The following CATSPERE variants were observed in gnomAD, a reference collection of about 807,000 sequenced individuals.
CATSPERE encodes catsper channel auxiliary subunit epsilon.
A neutral mutation model predicts 114.1 loss-of-function variants in CATSPERE; 93 were observed. The observed-to-expected ratio is 0.81, with a 90% CI of 0.69 to 0.97. The LOEUF (loss-of-function observed/expected upper bound fraction) is 0.97. CATSPERE is among the 50% of genes least tolerant of loss of function. CATSPERE has a pLI of 0.00. For missense variants in CATSPERE, 1,058 were observed against 1,131.6 expected (o/e 0.93, Z 0.93); for synonymous variants, 341 against 384.1 (o/e 0.89, Z 1.31).
intron 17 of CATSPERE, among the ~76,000 whole-genome samples, chr1:244,597,729 G>A (rs1384929208): frequency 6.6e-6 from 1 of 151,990 alleles, no homozygotes; most frequent in East Asian, 1.9e-4. Context: ...AATGACAATC[G>A]TAAGTTAATA....
intron 6 of CATSPERE, 84 bp downstream of exon 6, chr1:244,490,555 G>C (rs761244256): frequency 1.6e-4 from 142 of 868,104 alleles, no homozygotes; most frequent in Admixed American, 3.4e-4. Flanking sequence ...TACCAGATGA[G>C]GAATTTTTCA....
intron 7 of CATSPERE, among the ~76,000 whole-genome samples, chr1:244,512,109 G>A (rs547335324): frequency 2.0e-5 from 3 of 152,088 alleles, no homozygotes; most frequent in Admixed American, 6.6e-5. Flanking sequence ...AGTTTTCAGC[G>A]ATTATTTTGT....
chr1:244,491,272 G>C (rs1018219660), intron 6 of CATSPERE, among the ~76,000 whole-genome samples: 13 of 152,252 alleles, frequency 8.5e-5, no homozygotes, highest in Middle Eastern at 3.4e-3. Context: ...AATCAAACTA[G>C]AACTCAGGAC....
intron 8 of CATSPERE, among the ~76,000 whole-genome samples, chr1:244,548,302 C>T (rs1051669784): frequency 1.3e-5 from 2 of 152,180 alleles, no homozygotes; most frequent in African/African-American, 2.4e-5. Flanking sequence ...TATTCATGGG[C>T]TCAGCAACAT....
In CATSPERE at chr1:244,593,435, A is replaced by G; in HGVS notation, c.2223+7A>G. 6.2e-7 allele frequency: 1 copy of G among 1,613,604 alleles called. No homozygotes were observed. Among genetic ancestry groups the G allele is most frequent in the Non-Finnish European group, 8.5e-7 (1 of 1,179,948 alleles). On this transcript the variant is annotated splice_region_variant and intron_variant, in intron 16 of 21. Coordinates refer to ENST00000366534, the MANE Select transcript of CATSPERE (RefSeq NM_001130957.2). ...TCAGCCATCGAAAAACTTGGTAAGAAAATGATAAAATTCTGTCAATGGACC... is the reference window on the plus strand; with the variant it reads ...TCAGCCATCGAAAAACTTGGTAAGAGAATGATAAAATTCTGTCAATGGACC...
chr1:244,563,700 T>A (rs1159156244), intron 10 of CATSPERE, among the ~76,000 whole-genome samples: 1 of 152,250 alleles, frequency 6.6e-6, no homozygotes, highest in Non-Finnish European at 1.5e-5. Flanking sequence ...TCTCCCATTC[T>A]GTAGGTTGCC....
chr1:244,479,385 G>A (rs187695336), intron 4 of CATSPERE, among the ~76,000 whole-genome samples: 115 of 152,192 alleles, frequency 7.6e-4, no homozygotes, highest in Admixed American at 2.2e-3. Context: ...GAGCCACTGC[G>A]CCAGGCCACA....
intron 2 of CATSPERE, among the ~76,000 whole-genome samples, chr1:244,472,765 C>T (rs532255533): frequency 6.6e-6 from 1 of 152,292 alleles, no homozygotes; most frequent in African/African-American, 2.4e-5. Flanking sequence ...TAAAAATTCT[C>T]TCTGCTCTGC....
intron 8 of CATSPERE, among the ~76,000 whole-genome samples, chr1:244,544,851 T>C (rs1659467517): frequency 6.6e-6 from 1 of 152,252 alleles, no homozygotes; most frequent in Non-Finnish European, 1.5e-5. Context: ...CCTTGCTACA[T>C]GTTTTGCAGT....
intron 2 of CATSPERE, among the ~76,000 whole-genome samples, chr1:244,469,849 AC>A (rs1404165969): frequency 6.6e-6 from 1 of 152,186 alleles, no homozygotes; most frequent in African/African-American, 2.4e-5. Flanking sequence ...ACACTTTGGT[AC>A]TGACATAGGA....
chr1:244,580,040 A>G (rs1284228085), intron 11 of CATSPERE, among the ~76,000 whole-genome samples: 1 of 151,752 alleles, frequency 6.6e-6, no homozygotes, highest in Non-Finnish European at 1.5e-5. Flanking sequence ...TATCAATTCA[A>G]AGGCACATTT....
intron 8 of CATSPERE, among the ~76,000 whole-genome samples, chr1:244,520,324 TA>T (rs111993483): frequency 0.12 from 18,458 of 152,098 alleles, 1,876 homozygotes; most frequent in African/African-American, 0.28. Context: ...CATTTTGTGG[TA>T]GGGGTCCAAA....
intron 7 of CATSPERE, among the ~76,000 whole-genome samples, chr1:244,506,455 T>G (rs1478280056): frequency 6.6e-6 from 1 of 152,204 alleles, no homozygotes; most frequent in Non-Finnish European, 1.5e-5. Flanking sequence ...TTTTTATTGT[T>G]TTGAGAAACT....
chr1:244,549,069 A>G (rs938272405), intron 8 of CATSPERE, among the ~76,000 whole-genome samples: 1 of 152,216 alleles, frequency 6.6e-6, no homozygotes, highest in East Asian at 1.9e-4. Flanking sequence ...CTGGACTACT[A>G]TTCCACAATG....
At position 244,593,544 on chromosome 1, in the gene CATSPERE, G is replaced by C; in HGVS notation, c.2269G>C (p.Asp757His). Reference protein sequence around the residue: ...WGEYGCPLRLDFTEKFQPVVQ... With the variant: ...WGEYGCPLRLHFTEKFQPVVQ... ...AGAATATGGCTGCCCTCTGAGGCTT[G>C]ACTTCACAGAAAAGTTTCAACCTGT... Residue 757 changes from aspartate to histidine, a missense_variant, in exon 17 of 22, where the codon GAC becomes CAC. This residue lies in a region of CATSPERE where 787 missense variants were observed against 905.6 expected (regional missense o/e 0.87). Transcript: ENST00000366534. 1 of 1,613,968 alleles carries C rather than the reference G, an allele frequency of 6.2e-7. No homozygotes were observed. Among genetic ancestry groups the C allele is most frequent in the Non-Finnish European group, 8.5e-7 (1 of 1,179,944 alleles).
At chr1:244,603,470 A>ACATT (rs1164041679) in intron 17 of CATSPERE, among the ~76,000 whole-genome samples, 1 of 152,200 alleles carries the variant, frequency 6.6e-6, no homozygotes, top group African/African-American at 2.4e-5. Context: ...ACATTAAAGA[A>ACATT]CATTCATGAA....
chr1:244,538,192 T>A (rs1200097300), intron 8 of CATSPERE, among the ~76,000 whole-genome samples: 4 of 152,156 alleles, frequency 2.6e-5, no homozygotes, highest in Admixed American at 2.6e-4. Flanking sequence ...AGAAAAAAAG[T>A]TACACGGCTT....
At chr1:244,595,888 G>C (rs1442489617) in intron 17 of CATSPERE, among the ~76,000 whole-genome samples, 1 of 152,234 alleles carries the variant, frequency 6.6e-6, no homozygotes, top group East Asian at 1.9e-4. Flanking sequence ...AGCCGAGATG[G>C]CGCCACTGCA....
intron 9 of CATSPERE, among the ~76,000 whole-genome samples, chr1:244,554,892 A>AT: frequency 6.6e-6 from 1 of 152,340 alleles, no homozygotes; most frequent in Middle Eastern, 3.4e-3. Context: ...CTCAAAAAAA[A>AT]TTCTAGCAAA....
Sources: allele counts gnomAD v4.1 joint callset (sites outside exome capture counted in the v4.1 genomes callset), GRCh38; gene constraint gnomAD v4.1.1; regional missense constraint gnomAD v4.1.1; transcripts MANE v1.5; gene names NCBI Gene and HGNC (gene_info 2026-07-23, HGNC 2026-07-21).